MAN1A2: variants seen among roughly 807,000 people sequenced by gnomAD.
MAN1A2 encodes mannosidase alpha class 1A member 2, also known as mannosyl-oligosaccharide 1,2-alpha-mannosidase IB.
A neutral mutation model predicts 75.7 loss-of-function variants in MAN1A2; 26 were observed. That is an observed-to-expected ratio of 0.34 (90% CI 0.25 to 0.48). The LOEUF is 0.48. MAN1A2 is among the 20% of genes least tolerant of loss of function. MAN1A2 has a pLI of 0.99. For missense variants in MAN1A2, 562 were observed against 775.5 expected (o/e 0.72, Z 3.27); for synonymous variants, 247 against 264.6 (o/e 0.93, Z 0.65).
chr1:117,372,529 A>C (rs897046121), intron 1 of MAN1A2, among the ~76,000 whole-genome samples: 2 of 152,190 alleles, frequency 1.3e-5, no homozygotes, highest in East Asian at 3.8e-4. Context: ...TAAGTAGTTC[A>C]TAAATAATCC....
At position 117,368,084 on chromosome 1, in the gene MAN1A2, G is replaced by A; in HGVS notation, c.-100G>A. ...AGTCCTTTAAGAGGAGCAAAATTGA[G>A]TTTTCCCATTTTGGCCAAGATTTTG... On this transcript the variant is annotated 5_prime_UTR_variant, in exon 1 of 13. Transcript: ENST00000356554. 8.3e-7 allele frequency: 1 copy of A among 1,199,612 alleles called. No individual in the cohort carries two copies. The highest frequency in any genetic ancestry group is 1.2e-6 in the Non-Finnish European group (1 of 860,104). 74.3% of individuals were successfully genotyped at this position (1,199,612 alleles called of 1,614,324 possible).
At chr1:117,425,771 A>G (rs1396079399) in intron 5 of MAN1A2, among the ~76,000 whole-genome samples, 2 of 152,184 alleles carry the variant, frequency 1.3e-5, no homozygotes, top group Admixed American at 1.3e-4. Context: ...GTATGTTGTT[A>G]TTATTATAGA....
At chr1:117,377,486 C>T (rs1337289367) in intron 1 of MAN1A2, among the ~76,000 whole-genome samples, 1 of 152,204 alleles carries the variant, frequency 6.6e-6, no homozygotes, top group Non-Finnish European at 1.5e-5. Context: ...GAAATTTTCA[C>T]AAAGAAGTGT....
At chr1:117,512,422 A>G (rs1318062559) in intron 12 of MAN1A2, among the ~76,000 whole-genome samples, 2 of 152,058 alleles carry the variant, frequency 1.3e-5, no homozygotes. Flanking sequence ...TTTCTGATAA[A>G]TAGGTCTAGA....
At chr1:117,400,467 A>G (rs1245486328) in intron 1 of MAN1A2, among the ~76,000 whole-genome samples, 1 of 147,422 alleles carries the variant, frequency 6.8e-6, no homozygotes, top group Admixed American at 6.7e-5. Flanking sequence ...TAACAATTCT[A>G]TCATTAAAAA....
At chr1:117,387,947 C>T (rs1302738849) in intron 1 of MAN1A2, among the ~76,000 whole-genome samples, 1 of 151,800 alleles carries the variant, frequency 6.6e-6, no homozygotes, top group African/African-American at 2.4e-5. Flanking sequence ...TCCTGAGTAC[C>T]TCCCAAGGCC....
chr1:117,521,026 C>T (rs987808810), intron 12 of MAN1A2, among the ~76,000 whole-genome samples: 4 of 151,914 alleles, frequency 2.6e-5, no homozygotes, highest in South Asian at 2.1e-4. Flanking sequence ...TAGTTACAGC[C>T]AACTGATCTT....
At chr1:117,467,753 A>G (rs1650025035) in intron 8 of MAN1A2, among the ~76,000 whole-genome samples, 1 of 152,124 alleles carries the variant, frequency 6.6e-6, no homozygotes, top group Non-Finnish European at 1.5e-5. Flanking sequence ...GAATTCTATC[A>G]ATCATAAATC....
chr1:117,501,831 A>G (rs948578221), intron 11 of MAN1A2, among the ~76,000 whole-genome samples: 1 of 151,794 alleles, frequency 6.6e-6, no homozygotes, highest in Non-Finnish European at 1.5e-5. Context: ...ACAACAAGCC[A>G]TGGCAGACAG....
chr1:117,391,406 G>A (rs1401548228), intron 1 of MAN1A2, among the ~76,000 whole-genome samples: 1 of 152,084 alleles, frequency 6.6e-6, no homozygotes, highest in Non-Finnish European at 1.5e-5. Flanking sequence ...CTATAACATT[G>A]TGAATTTGTT....
At chr1:117,522,525 C>G (rs1352075482) in intron 12 of MAN1A2, among the ~76,000 whole-genome samples, 1 of 151,778 alleles carries the variant, frequency 6.6e-6, no homozygotes. Flanking sequence ...ATGTGTTGCT[C>G]TTAAGATTAG....
intron 12 of MAN1A2, among the ~76,000 whole-genome samples, chr1:117,506,835 G>A (rs1651390386): frequency 6.6e-6 from 1 of 150,626 alleles, no homozygotes; most frequent in Admixed American, 6.7e-5. Context: ...TGAGATGAGA[G>A]CTCTAAAGGT....
intron 6 of MAN1A2, among the ~76,000 whole-genome samples, chr1:117,456,240 A>G (rs747625597): frequency 3.3e-5 from 5 of 152,106 alleles, no homozygotes; most frequent in African/African-American, 1.2e-4. Flanking sequence ...TTGGTAGTCC[A>G]TAAGGTAAAA....
At chr1:117,471,677 T>C (rs977509991) in intron 8 of MAN1A2, among the ~76,000 whole-genome samples, 2 of 151,938 alleles carry the variant, frequency 1.3e-5, no homozygotes, top group African/African-American at 4.8e-5. Context: ...TTGTATATTT[T>C]GTTTTTATTG....
At chr1:117,493,057 A>G in intron 8 of MAN1A2, 90 bp from the exon 9 acceptor site, 1 of 717,368 alleles carries the variant, frequency 1.4e-6, no homozygotes, top group South Asian at 1.7e-5. Flanking sequence ...ATTGACCTCT[A>G]ACATAGTCAT....
chr1:117,496,665 A>G (rs1335413207), intron 9 of MAN1A2, 98 bp from the exon 10 acceptor site: 26 of 840,098 alleles, frequency 3.1e-5, no homozygotes, highest in Non-Finnish European at 3.8e-5. Flanking sequence ...TTTATAGACT[A>G]TCATATTACC....
intron 1 of MAN1A2, among the ~76,000 whole-genome samples, chr1:117,388,218 A>G (rs1359383469): frequency 6.6e-6 from 1 of 152,150 alleles, no homozygotes; most frequent in Non-Finnish European, 1.5e-5. Context: ...ACTTGAAGAG[A>G]GGGAAGGTTC....
chr1:117,449,830 T>G (rs978613914), intron 6 of MAN1A2, among the ~76,000 whole-genome samples: 5 of 152,188 alleles, frequency 3.3e-5, no homozygotes, highest in Non-Finnish European at 1.5e-5. Context: ...CAAAGCCTAA[T>G]GCAGAGGAAG....
chr1:117,393,446 C>T (rs778068703), intron 1 of MAN1A2, among the ~76,000 whole-genome samples: 6 of 151,696 alleles, frequency 4.0e-5, no homozygotes, highest in Non-Finnish European at 7.4e-5. Flanking sequence ...ATATTGTGCA[C>T]AAGTAACTAT....
Sources: gnomAD v4.1 joint callset for allele counts (sites outside exome capture counted in the v4.1 genomes callset) on GRCh38, gnomAD v4.1.1 for gene constraint, MANE v1.5 for transcripts, NCBI Gene and HGNC (gene_info 2026-07-23, HGNC 2026-07-21) for gene names.